Variants in JAZF1 observed in about 807,000 individuals in gnomAD.
JAZF1 encodes JAZF zinc finger 1.
JAZF1 carries 8 observed loss-of-function variants against 26.4 expected under a neutral mutation model. The observed-to-expected ratio is 0.30, with a 90% CI of 0.18 to 0.55. The LOEUF is 0.55. Ranked by LOEUF, JAZF1 falls within the 20% of genes least tolerant of loss-of-function variation. The pLI is 0.94. For synonymous variants in JAZF1, 126 were observed against 122.3 expected (o/e 1.03, Z -0.20); for missense variants, 199 against 322.0 (o/e 0.62, Z 2.92).
intron 1 of JAZF1, among the ~76,000 whole-genome samples, chr7:28,011,044 G>C (rs966032683): frequency 6.6e-6 from 1 of 152,176 alleles, no homozygotes. Context: ...TCACCTGGCA[G>C]GGTGTTTCTG....
chr7:27,923,413 A>T (rs1419687128), intron 2 of JAZF1, among the ~76,000 whole-genome samples: 1 of 152,138 alleles, frequency 6.6e-6, no homozygotes, highest in Non-Finnish European at 1.5e-5. Flanking sequence ...CTCCTGTGGG[A>T]TCGTCTCCAC....
chr7:27,866,255 A>G (rs1240882873), intron 3 of JAZF1, among the ~76,000 whole-genome samples: 1 of 152,266 alleles, frequency 6.6e-6, no homozygotes, highest in Non-Finnish European at 1.5e-5. Context: ...AGGAGCCACA[A>G]TGATGATAGG....
chr7:27,856,252 T>A (rs953979876), intron 3 of JAZF1, among the ~76,000 whole-genome samples: 10 of 152,176 alleles, frequency 6.6e-5, no homozygotes, highest in African/African-American at 2.2e-4. Flanking sequence ...CGGTGAGCGT[T>A]ACAGCTCTTA....
At chr7:28,064,934 A>G (rs1249500313) in intron 1 of JAZF1, among the ~76,000 whole-genome samples, 1 of 152,204 alleles carries the variant, frequency 6.6e-6, no homozygotes. Context: ...CTAAGAATCT[A>G]AACTTTAGAT....
chr7:28,049,089 C>CTCTT (rs56247770), intron 1 of JAZF1, among the ~76,000 whole-genome samples: 2,207 of 126,020 alleles, frequency 0.018, 91 homozygotes, highest in African/African-American at 0.063. Flanking sequence ...CTCTCTCTCT[C>CTCTT]TCTTTCTTTC....
intron 2 of JAZF1, among the ~76,000 whole-genome samples, chr7:27,914,260 T>A (rs940533584): frequency 2.0e-5 from 3 of 152,184 alleles, no homozygotes; most frequent in African/African-American, 7.2e-5. Context: ...TACCTGTACG[T>A]GGGCTGAGGG....
chr7:28,025,953 A>G (rs1029275662), intron 1 of JAZF1, among the ~76,000 whole-genome samples: 4 of 152,214 alleles, frequency 2.6e-5, no homozygotes, highest in African/African-American at 7.2e-5. Flanking sequence ...AATTATAAGT[A>G]GAGGATCATA....
chr7:28,103,763 C>T (rs1039079575), intron 1 of JAZF1, among the ~76,000 whole-genome samples: 1 of 152,202 alleles, frequency 6.6e-6, no homozygotes, highest in African/African-American at 2.4e-5. Flanking sequence ...ACCAGGACCA[C>T]TGGTTATCTT....
rs145365586 is a variant in JAZF1, at chr7:27,865,804, A to T, written c.386-24937T>A. Among the ~76,000 whole-genome samples the T allele has an allele frequency of 1.6e-3, 242 of 152,310 alleles. 1 individual carries two copies. Among genetic ancestry groups the T allele is most frequent in the African/African-American group, 5.5e-3 (227 of 41,568 alleles). On this transcript the variant is annotated intron_variant, in intron 3 of 4. Transcript: ENST00000283928. ...GGGAGCTGACAGCCACAGACACGAAAGTGACAGATACACAGATTGATGGAC... is the reference window on the plus strand; with the variant it reads ...GGGAGCTGACAGCCACAGACACGAATGTGACAGATACACAGATTGATGGAC...
intron 1 of JAZF1, among the ~76,000 whole-genome samples, chr7:28,002,494 GTT>G (rs1360107359): frequency 6.6e-6 from 1 of 152,084 alleles, no homozygotes; most frequent in Admixed American, 6.5e-5. Flanking sequence ...TTAAGCCTCA[GTT>G]TTTTTCATCC....
At chr7:27,839,360 C>G (rs1583423696) in intron 4 of JAZF1, among the ~76,000 whole-genome samples, 1 of 152,206 alleles carries the variant, frequency 6.6e-6, no homozygotes, top group African/African-American at 2.4e-5. Flanking sequence ...AGTGGCCAGT[C>G]ACAGCCTTAT....
intron 1 of JAZF1, among the ~76,000 whole-genome samples, chr7:28,179,467 C>A (rs952975623): frequency 2.0e-5 from 3 of 152,048 alleles, no homozygotes; most frequent in Admixed American, 1.3e-4. Context: ...AGGCCGCCGC[C>A]GATCCCAGGG....
intron 3 of JAZF1, among the ~76,000 whole-genome samples, chr7:27,851,592 A>G (rs1783151612): frequency 1.3e-5 from 2 of 152,166 alleles, no homozygotes. Context: ...GAACCCTGTG[A>G]TAAGTTCGGG....
rs1013873 is a variant in JAZF1, at chr7:27,972,246, G to C, written c.188+19663C>G. On this transcript the variant is annotated intron_variant, in intron 2 of 4. Transcript: ENST00000283928. Reference sequence around the variant, plus strand: ...GATGAACAGGATACTGTTTAAAGGAGGGAAGCCCTGCTGCGCAAGTGACAT... The same window carrying C: ...GATGAACAGGATACTGTTTAAAGGACGGAAGCCCTGCTGCGCAAGTGACAT... Among the ~76,000 whole-genome samples the C allele has an allele frequency of 4.2e-3, 635 of 152,334 alleles. 3 individuals carry two copies. The highest frequency in any genetic ancestry group is 6.6e-3 in the Non-Finnish European group (446 of 68,032).
Position 27,840,557 on chromosome 7 carries a change from G to T in JAZF1, c.555+141C>A. On this transcript the variant is annotated intron_variant, in intron 4 of 4. Coordinates refer to ENST00000283928, the MANE Select transcript of JAZF1 (RefSeq NM_175061.4). This position sits in a 1 kb window ranked among gnomAD's most constrained non-coding sequence, Gnocchi z 5.1. Reference sequence around the variant, plus strand: ...GCACCTGTGTGCACACAGGGGTGAGGCCCACGCACTCTAATGCAGGAGAGG... The same window carrying T: ...GCACCTGTGTGCACACAGGGGTGAGTCCCACGCACTCTAATGCAGGAGAGG... The T allele has an allele frequency of 1.2e-6, 1 of 858,774 alleles. No homozygotes were observed. The highest frequency in any genetic ancestry group is 1.8e-6 in the Non-Finnish European group (1 of 542,710). 53.2% of individuals were successfully genotyped at this position (858,774 alleles called of 1,614,324 possible).
At chr7:28,019,340 G>C (rs576875734) in intron 1 of JAZF1, among the ~76,000 whole-genome samples, 168 of 152,268 alleles carry the variant, frequency 1.1e-3, no homozygotes, top group African/African-American at 3.8e-3. Flanking sequence ...GTGTCTGGGG[G>C]ACAAAGGCAC....
Position 27,840,741 on chromosome 7 carries a change from T to C in JAZF1, c.512A>G (p.Lys171Arg). 1 of 1,614,220 alleles carries C rather than the reference T, an allele frequency of 6.2e-7. No homozygotes were observed. Among genetic ancestry groups the C allele is most frequent in the Middle Eastern group, 1.6e-4 (1 of 6,062 alleles). ...SSMCMNGGEE[K>R]PFACPVPGCK... ...TCCAGGAACTGGGCAGGCAAAAGGC[T>C]TCTCTTCCCCTCCATTCATGCACAT... is the stretch of plus-strand genomic sequence containing the variant. The change falls in exon 4 of 5, where the codon AAG becomes AGG. Residue 171 changes from lysine (K) to arginine (R), a missense_variant. Transcript: ENST00000283928. The surrounding 1 kb of genome is among the most constrained non-coding windows in gnomAD (Gnocchi z 5.1).
At chr7:28,100,428 T>A (rs898945650) in intron 1 of JAZF1, among the ~76,000 whole-genome samples, 1 of 151,888 alleles carries the variant, frequency 6.6e-6, no homozygotes, top group Non-Finnish European at 1.5e-5. Context: ...TATATACATA[T>A]ATATATAATA....
intron 2 of JAZF1, among the ~76,000 whole-genome samples, chr7:27,913,758 A>G (rs1784400766): frequency 6.6e-6 from 1 of 152,162 alleles, no homozygotes; most frequent in Non-Finnish European, 1.5e-5. Context: ...TCTTCTTACT[A>G]TAATTGAAGT....
Sources: gnomAD v4.1 joint callset for allele counts (sites outside exome capture counted in the v4.1 genomes callset) on GRCh38, gnomAD v4.1.1 for gene constraint, Gnocchi (gnomAD v3.1) non-coding constraint, MANE v1.5 for transcripts, NCBI Gene and HGNC (gene_info 2026-07-23, HGNC 2026-07-21) for gene names.